CACNA2D3: variants seen among roughly 807,000 people sequenced by gnomAD.
CACNA2D3 encodes the protein voltage-dependent calcium channel subunit alpha-2/delta-3.
Under a neutral mutation model 160.6 loss-of-function variants are expected in CACNA2D3, and 60 were observed. The observed-to-expected ratio is 0.37, with a 90% CI of 0.30 to 0.46. The LOEUF (loss-of-function observed/expected upper bound fraction) is 0.46, where lower values mean the gene tolerates loss of function less well. Among genes scored for constraint, CACNA2D3 ranks in the 20% least tolerant of loss-of-function variants. The probability of loss-of-function intolerance (pLI) is 1.00; values close to 1 mark genes in which losing one functional copy is unlikely to be tolerated. For missense variants in CACNA2D3, 1,205 were observed against 1,365.0 expected (o/e 0.88, Z 1.85); for synonymous variants, 558 against 492.9 (o/e 1.13, Z -1.75).
At chr3:54,168,799 C>T (rs1700504293) in intron 2 of CACNA2D3, among the ~76,000 whole-genome samples, 1 of 152,164 alleles carries the variant, frequency 6.6e-6, no homozygotes, top group South Asian at 2.1e-4. Flanking sequence ...AGTCCAAAAG[C>T]TCAGCCAAGC....
intron 14 of CACNA2D3, among the ~76,000 whole-genome samples, chr3:54,822,806 T>TCCTTCCTTC (rs1553874304): frequency 8.8e-6 from 1 of 113,072 alleles, no homozygotes; most frequent in Non-Finnish European, 1.7e-5. Flanking sequence ...TTTCTTTCTT[T>TCCTTCCTTC]CTTTCTTTCT....
intron 9 of CACNA2D3, among the ~76,000 whole-genome samples, chr3:54,583,298 T>A (rs1197731405): frequency 6.6e-6 from 1 of 152,146 alleles, no homozygotes; most frequent in Non-Finnish European, 1.5e-5. Flanking sequence ...AAATAGGAAG[T>A]TTTATGAATG....
chr3:54,265,005 T>C (rs568615959), intron 2 of CACNA2D3, among the ~76,000 whole-genome samples: 2 of 152,368 alleles, frequency 1.3e-5, no homozygotes, highest in South Asian at 4.1e-4. Flanking sequence ...TTGGATTGGT[T>C]CCAAATCTTT....
intron 11 of CACNA2D3, among the ~76,000 whole-genome samples, chr3:54,706,632 A>T (rs1027397511): frequency 6.6e-6 from 1 of 152,190 alleles, no homozygotes; most frequent in Non-Finnish European, 1.5e-5. Flanking sequence ...CTGAAGTGCT[A>T]TGAGTTTGCT....
intron 2 of CACNA2D3, among the ~76,000 whole-genome samples, chr3:54,281,758 A>G (rs1185691175): frequency 6.6e-6 from 1 of 152,218 alleles, no homozygotes; most frequent in East Asian, 1.9e-4. Flanking sequence ...TTCATGCAGA[A>G]TATTAGGAGG....
chr3:54,636,242 A>T (rs1699367680), intron 10 of CACNA2D3, among the ~76,000 whole-genome samples: 1 of 152,004 alleles, frequency 6.6e-6, no homozygotes, highest in Non-Finnish European at 1.5e-5. Context: ...ACCATCAATA[A>T]ATCAAGCGTG....
chr3:54,144,584 A>G (rs4428221), intron 2 of CACNA2D3, among the ~76,000 whole-genome samples: 30,512 of 152,050 alleles, frequency 0.2, 3,215 homozygotes, highest in Middle Eastern at 0.28. Flanking sequence ...AATGGCCTTT[A>G]CTCTTCCTTA....
rs1176172046 is a variant in CACNA2D3 at position 54,811,495 on chromosome 3, T to A, written c.1381-5358T>A. 5.3e-4 allele frequency among the ~76,000 whole-genome samples: 67 copies of A among 126,616 alleles called. 1 individual carries two copies. The highest frequency in any genetic ancestry group is 1.7e-3 in the African/African-American group (52 of 30,270). 83.1% of individuals were successfully genotyped at this position (126,616 alleles called of 152,430 possible). On this transcript the variant is annotated intron_variant, in intron 13 of 37. Coordinates refer to ENST00000474759, the MANE Select transcript of CACNA2D3 (RefSeq NM_018398.3). Reference sequence around the variant, plus strand: ...TTTTTTTTTTTTTTTTTTTTTTTTTTTTTTTTTTTTTTTTTTTTTTGAGAC... The same window carrying A: ...TTTTTTTTTTTTTTTTTTTTTTTTTATTTTTTTTTTTTTTTTTTTTGAGAC...
intron 2 of CACNA2D3, among the ~76,000 whole-genome samples, chr3:54,187,236 T>G (rs1009220048): frequency 6.6e-6 from 1 of 152,196 alleles, no homozygotes; most frequent in Admixed American, 6.5e-5. Context: ...CTGGAGGGAT[T>G]GATAGGCCTC....
intron 2 of CACNA2D3, among the ~76,000 whole-genome samples, chr3:54,140,995 G>A (rs150132854): frequency 3.6e-4 from 54 of 151,802 alleles, no homozygotes; most frequent in Non-Finnish European, 6.0e-4. Flanking sequence ...GTGGGGGCTC[G>A]TTGGCACCTC....
chr3:54,441,444 C>T (rs544132855), intron 4 of CACNA2D3, among the ~76,000 whole-genome samples: 18 of 152,138 alleles, frequency 1.2e-4, no homozygotes, highest in Non-Finnish European at 2.5e-4. Context: ...GTTGCCTGTT[C>T]ACTCTGATGG....
intron 14 of CACNA2D3, among the ~76,000 whole-genome samples, chr3:54,832,621 A>G (rs1265060940): frequency 6.6e-6 from 1 of 152,232 alleles, no homozygotes; most frequent in Non-Finnish European, 1.5e-5. Context: ...ACAGATATTG[A>G]TAAACACCAG....
intron 11 of CACNA2D3, among the ~76,000 whole-genome samples, chr3:54,728,530 T>C (rs1701320302): frequency 6.6e-6 from 1 of 152,218 alleles, no homozygotes; most frequent in African/African-American, 2.4e-5. Context: ...AAGTCTATTA[T>C]CTCTTTCCTT....
intron 2 of CACNA2D3, among the ~76,000 whole-genome samples, chr3:54,258,153 G>A (rs1011173972): frequency 1.4e-4 from 22 of 152,170 alleles, no homozygotes; most frequent in Non-Finnish European, 3.1e-4. Context: ...TGGAGTTGGG[G>A]ATTTCTAGTA....
intron 27 of CACNA2D3, among the ~76,000 whole-genome samples, chr3:54,965,744 A>G (rs1007825775): frequency 3.3e-5 from 5 of 152,204 alleles, no homozygotes; most frequent in Admixed American, 2.0e-4. Flanking sequence ...GTTACTGGAA[A>G]GGGGATGAGG....
At chr3:54,815,961 A>G (rs1575492001) in intron 13 of CACNA2D3, among the ~76,000 whole-genome samples, 1 of 152,246 alleles carries the variant, frequency 6.6e-6, no homozygotes, top group African/African-American at 2.4e-5. Flanking sequence ...ACTGCATGCT[A>G]TAATGGCAGT....
intron 35 of CACNA2D3, among the ~76,000 whole-genome samples, chr3:55,036,452 ATTTTATT>A (rs779682974): frequency 2.5e-4 from 38 of 151,790 alleles, no homozygotes; most frequent in Middle Eastern, 3.4e-3. Flanking sequence ...ATTTTTATTT[ATTTTATT>A]TTTTATTTTT....
intron 11 of CACNA2D3, among the ~76,000 whole-genome samples, chr3:54,676,457 A>G (rs1700246456): frequency 6.6e-6 from 1 of 152,102 alleles, no homozygotes; most frequent in Non-Finnish European, 1.5e-5. Flanking sequence ...GCGTTGTTCA[A>G]ACCCTCCTGT....
At chr3:54,815,253 T>C (rs777371414) in intron 13 of CACNA2D3, among the ~76,000 whole-genome samples, 5 of 152,202 alleles carry the variant, frequency 3.3e-5, no homozygotes. Flanking sequence ...GGGAGACCCG[T>C]ATAAGATAAA....
Sources: gnomAD v4.1 joint callset for allele counts (sites outside exome capture counted in the v4.1 genomes callset) on GRCh38, gnomAD v4.1.1 for gene constraint, MANE v1.5 for transcripts, NCBI Gene and HGNC (gene_info 2026-07-23, HGNC 2026-07-21) for gene names.